Variants in TMEM267 observed in about 807,000 individuals in gnomAD.
TMEM267 encodes the protein transmembrane protein 267, also known as transmembrane protein C5orf28.
In TMEM267, 20 loss-of-function variants were observed where a neutral mutation model predicts 19.3. The ratio of observed to expected loss-of-function variants is 1.04; its 90% CI spans 0.73 to 1.51. The LOEUF is 1.51. TMEM267 is among the 40% of genes most tolerant of loss of function. TMEM267 has a pLI of 0.00. For missense variants in TMEM267, 242 were observed against 261.9 expected (o/e 0.92, Z 0.52); for synonymous variants, 88 against 90.3 (o/e 0.97, Z 0.15).
intron 1 of TMEM267, among the ~76,000 whole-genome samples, chr5:43,463,979 A>G (rs1457544651): frequency 6.6e-6 from 1 of 152,198 alleles, no homozygotes; most frequent in Non-Finnish European, 1.5e-5. Flanking sequence ...AGAAGGAAAT[A>G]AAGGGTATTC....
At chr5:43,473,920 T>C (rs1744238989) in intron 1 of TMEM267, among the ~76,000 whole-genome samples, 1 of 152,096 alleles carries the variant, frequency 6.6e-6, no homozygotes, top group Non-Finnish European at 1.5e-5. Context: ...AACAGATATA[T>C]AGATCAATGG....
intron 2 of TMEM267, among the ~76,000 whole-genome samples, chr5:43,447,013 T>C (rs1042905753): frequency 6.6e-6 from 1 of 152,120 alleles, no homozygotes; most frequent in African/African-American, 2.4e-5. Flanking sequence ...TAAACACTTT[T>C]GGAATTTATT....
chr5:43,444,746 C>G lies in TMEM267; in HGVS notation c.*1476G>C, dbSNP rs1462792146. On this transcript the variant is annotated 3_prime_UTR_variant, in exon 3 of 3. Transcript: ENST00000397080. The stretch of plus-strand genomic sequence containing the variant: ...CAGTGCTTAAAAAAAAAACTCTAAT[C>G]AAATTTACCCCCACTATATAATATT... 1 of 151,838 alleles carries G rather than the reference C, an allele frequency of 6.6e-6. No homozygotes were observed. Among genetic ancestry groups the G allele is most frequent in the African/African-American group, 2.4e-5 (1 of 41,352 alleles). 9.4% of individuals were successfully genotyped at this position (151,838 alleles called of 1,614,324 possible). A position where few individuals can be genotyped will look rare whatever the true frequency, so the allele number is the denominator to read the frequency against.
chr5:43,480,214 C>A lies in TMEM267; in HGVS notation c.-75+3608G>T, dbSNP rs1297077170. On this transcript the variant is annotated intron_variant, in intron 1 of 2. Transcript: ENST00000397080. ...AGTTAGCCCTAATGAGAAAGAAGGC[C>A]ATTCAGGTATGAGAAGAACCTAGGC... Among the ~76,000 whole-genome samples, 3 of 152,102 alleles carry A rather than the reference C, an allele frequency of 2.0e-5. No homozygotes were observed. The South Asian group carries it at 6.2e-4, about 32-fold the overall frequency.
intron 1 of TMEM267, among the ~76,000 whole-genome samples, chr5:43,482,435 A>T (rs887002884): frequency 1.3e-5 from 2 of 151,914 alleles, no homozygotes; most frequent in East Asian, 3.9e-4. Context: ...TTCCTTTTCC[A>T]CTTCCTATTC....
intron 1 of TMEM267, among the ~76,000 whole-genome samples, chr5:43,455,549 T>G (rs1350343405): frequency 6.6e-6 from 1 of 152,046 alleles, no homozygotes; most frequent in African/African-American, 2.4e-5. Context: ...TTTTATTTAT[T>G]TATGTATTTA....
chr5:43,458,965 C>G lies in TMEM267; in HGVS notation c.-74-4922G>C, dbSNP rs367798395. 7.8e-4 allele frequency among the ~76,000 whole-genome samples: 116 copies of G among 148,854 alleles called. 1 individual carries two copies. Among genetic ancestry groups the G allele is most frequent in the African/African-American group, 2.7e-3 (110 of 40,244 alleles). On this transcript the variant is annotated intron_variant, in intron 1 of 2. Coordinates refer to ENST00000397080, the MANE Select transcript of TMEM267 (RefSeq NM_022483.5). ...GAGTTGGGCATTGAAAAAAAATTTC[C>G]AAAAATAAAGAGAAAACCTTTAGAG...
intron 1 of TMEM267, among the ~76,000 whole-genome samples, chr5:43,464,583 G>T (rs1235177262): frequency 6.6e-6 from 1 of 151,440 alleles, no homozygotes; most frequent in Non-Finnish European, 1.5e-5. Context: ...AACCAAAACA[G>T]CATGGTACTG....
At chr5:43,467,246 A>ACATTAATTAGTC (rs1743795522) in intron 1 of TMEM267, among the ~76,000 whole-genome samples, 1 of 152,104 alleles carries the variant, frequency 6.6e-6, no homozygotes, top group South Asian at 2.1e-4. Context: ...ATTAATGATA[A>ACATTAATTAGTC]CATTAAATAT....
intron 2 of TMEM267, among the ~76,000 whole-genome samples, chr5:43,448,837 C>T (rs1448950784): frequency 2.0e-5 from 3 of 147,424 alleles, no homozygotes; most frequent in Non-Finnish European, 4.5e-5. Flanking sequence ...GTAACAAATA[C>T]AAAACAAAAA....
At chr5:43,475,630 G>A (rs921074811) in intron 1 of TMEM267, among the ~76,000 whole-genome samples, 5 of 152,084 alleles carry the variant, frequency 3.3e-5, no homozygotes, top group Non-Finnish European at 5.9e-5. Context: ...GGAAGAAAAT[G>A]TATCATTACA....
rs1468434278 is a variant in TMEM267, at chr5:43,445,009, A to C, written c.*1213T>G. 6.6e-6 allele frequency: 1 copy of C among 152,178 alleles called. No individual in the cohort carries two copies. The highest frequency in any genetic ancestry group is 1.5e-5 in the Non-Finnish European group (1 of 68,026). The allele number at this position is 152,178 out of a possible 1,614,324, so 9.4% of individuals were successfully genotyped here. A position where few individuals can be genotyped will look rare whatever the true frequency, so the allele number is the denominator to read the frequency against. On this transcript the variant is annotated 3_prime_UTR_variant, in exon 3 of 3. Coordinates refer to ENST00000397080, the MANE Select transcript of TMEM267 (RefSeq NM_022483.5). Reference sequence around the variant, plus strand: ...ATGAACCCTCCATCTTTCCTCAGAGAATAAGGCACCAATCACTAACATTAT... The same window carrying C: ...ATGAACCCTCCATCTTTCCTCAGAGCATAAGGCACCAATCACTAACATTAT...
chr5:43,473,900 C>T (rs1476883005), intron 1 of TMEM267, among the ~76,000 whole-genome samples: 3 of 152,200 alleles, frequency 2.0e-5, no homozygotes, highest in African/African-American at 7.2e-5. Context: ...CAGCATGGTA[C>T]TGGTACCAAA....
At chr5:43,477,424 TAAAAACA>T (rs1236401527) in intron 1 of TMEM267, among the ~76,000 whole-genome samples, 2 of 151,942 alleles carry the variant, frequency 1.3e-5, no homozygotes, top group East Asian at 3.9e-4. Flanking sequence ...CCATCTCTAC[TAAAAACA>T]AAATACAAAA....
chr5:43,481,293 G>A (rs183062573), intron 1 of TMEM267, among the ~76,000 whole-genome samples: 1,535 of 151,328 alleles, frequency 0.01, 19 homozygotes, highest in Non-Finnish European at 0.012. Context: ...GTAGAGATGG[G>A]GTCTCATTGT....
At chr5:43,483,368 T>C (rs1479735282) in intron 1 of TMEM267, among the ~76,000 whole-genome samples, 1 of 152,200 alleles carries the variant, frequency 6.6e-6, no homozygotes, top group Non-Finnish European at 1.5e-5. Context: ...TGGGCCAGGC[T>C]GCAGGGAAAG....
chr5:43,483,681 C>A (rs561902389), intron 1 of TMEM267, 141 bp downstream of exon 1: 2 of 152,448 alleles, frequency 1.3e-5, no homozygotes, highest in East Asian at 3.9e-4. Flanking sequence ...TGTTCCAGCA[C>A]GCCCTCCGAC....
At chr5:43,466,836 AG>A (rs930514653) in intron 1 of TMEM267, among the ~76,000 whole-genome samples, 1 of 152,120 alleles carries the variant, frequency 6.6e-6, no homozygotes, top group Non-Finnish European at 1.5e-5. Context: ...TTTTAACTAA[AG>A]GAAGACAGGA....
intron 1 of TMEM267, among the ~76,000 whole-genome samples, chr5:43,477,461 G>C (rs890975443): frequency 2.0e-5 from 3 of 152,112 alleles, no homozygotes; most frequent in African/African-American, 7.2e-5. Flanking sequence ...GGGCATGATG[G>C]CGTGTGCCTG....
Sources: gnomAD v4.1 joint callset for allele counts (sites outside exome capture counted in the v4.1 genomes callset) on GRCh38, gnomAD v4.1.1 for gene constraint, MANE v1.5 for transcripts, NCBI Gene and HGNC (gene_info 2026-07-23, HGNC 2026-07-21) for gene names.